FRMD5: variants seen among roughly 807,000 people sequenced by gnomAD.
FRMD5 encodes the protein FERM domain containing 5, also known as FERM domain-containing protein 5.
FRMD5 carries 20 observed loss-of-function variants against 69.0 expected under a neutral mutation model. The ratio of observed to expected loss-of-function variants is 0.29; its 90% CI spans 0.20 to 0.42. FRMD5 has a LOEUF of 0.42. Among genes scored for constraint, FRMD5 ranks in the 10% least tolerant of loss-of-function variants. The pLI is 1.00. For synonymous variants in FRMD5, 271 were observed against 260.1 expected (o/e 1.04, Z -0.40); for missense variants, 595 against 708.6 (o/e 0.84, Z 1.82).
intron 1 of FRMD5, among the ~76,000 whole-genome samples, chr15:43,979,195 C>T (rs2090510224): frequency 1.3e-5 from 2 of 152,062 alleles, no homozygotes; most frequent in South Asian, 4.2e-4. Flanking sequence ...CAAAATTAGC[C>T]AAGCGTCATG....
intron 2 of FRMD5, 29 bp from the exon 3 acceptor site, chr15:43,919,838 C>T (rs779889379): frequency 6.2e-7 from 1 of 1,604,742 alleles, no homozygotes; most frequent in Non-Finnish European, 8.5e-7. Flanking sequence ...AACATGAAAA[C>T]CCTAATGAGA....
At chr15:44,076,868 C>T (rs1223332156) in intron 1 of FRMD5, among the ~76,000 whole-genome samples, 1 of 151,942 alleles carries the variant, frequency 6.6e-6, no homozygotes, top group Non-Finnish European at 1.5e-5. Flanking sequence ...AGTCATCTCT[C>T]AGTCTGAGAT....
chr15:44,181,476 A>G (rs560283736), intron 1 of FRMD5, among the ~76,000 whole-genome samples: 1 of 152,260 alleles, frequency 6.6e-6, no homozygotes, highest in Non-Finnish European at 1.5e-5. Context: ...TGTTATCAAA[A>G]CCAGGAAATT....
At chr15:43,974,650 T>C (rs1320029782) in intron 1 of FRMD5, among the ~76,000 whole-genome samples, 2 of 152,212 alleles carry the variant, frequency 1.3e-5, no homozygotes, top group African/African-American at 4.8e-5. Flanking sequence ...CCATAGGTAT[T>C]TGACAAATGT....
At position 44,165,401 on chromosome 15, in the gene FRMD5, G is replaced by A. The variant is rs1005371577; in HGVS notation, c.102+29552C>T. Among the ~76,000 whole-genome samples, 7 of 152,270 alleles carry A rather than the reference G, an allele frequency of 4.6e-5. No homozygotes were observed. In the East Asian group the frequency reaches 1.2e-3, roughly 25 times the overall value. ...CATGCCACTGCACTCCAGCCTAGGC[G>A]ACCGAGTGAGACTCCATCTCAATCA... On this transcript the variant is annotated intron_variant, in intron 1 of 13. Transcript: ENST00000417257.
Position 44,174,065 on chromosome 15 carries a change from C to T in FRMD5, c.102+20888G>A, listed in dbSNP as rs1224655352. On this transcript the variant is annotated intron_variant, in intron 1 of 13. Coordinates refer to ENST00000417257, the MANE Select transcript of FRMD5 (RefSeq NM_032892.5). ...AAGTTTCCTGAGTTCAAACACTATACTCCTTTCACTATACCATTATTAAAT... is the reference window on the plus strand; with the variant it reads ...AAGTTTCCTGAGTTCAAACACTATATTCCTTTCACTATACCATTATTAAAT... 2.0e-5 allele frequency among the ~76,000 whole-genome samples: 3 copies of T among 152,082 alleles called. No individual in the cohort carries two copies. In the South Asian group the frequency reaches 6.2e-4, roughly 32 times the overall value.
At chr15:43,983,023 C>T (rs1429435260) in intron 1 of FRMD5, among the ~76,000 whole-genome samples, 1 of 152,106 alleles carries the variant, frequency 6.6e-6, no homozygotes, top group African/African-American at 2.4e-5. Context: ...CTCCACTTCC[C>T]GGGGTCAAGT....
chr15:44,132,344 T>C (rs1351048077), intron 1 of FRMD5, among the ~76,000 whole-genome samples: 1 of 152,178 alleles, frequency 6.6e-6, no homozygotes, highest in Admixed American at 6.5e-5. Context: ...GGACCTCTGA[T>C]GTAATGGGTA....
chr15:43,957,324 T>C (rs1008722920), intron 1 of FRMD5, among the ~76,000 whole-genome samples: 10 of 152,288 alleles, frequency 6.6e-5, no homozygotes, highest in African/African-American at 2.4e-4. Context: ...GCCTCCCAAG[T>C]AACTGGGATT....
At chr15:44,144,276 A>G (rs1314820703) in intron 1 of FRMD5, among the ~76,000 whole-genome samples, 1 of 152,174 alleles carries the variant, frequency 6.6e-6, no homozygotes, top group Admixed American at 6.5e-5. Context: ...CTTTTCAGTT[A>G]AAGGCTCATC....
At chr15:44,060,304 A>G (rs1893039157) in intron 1 of FRMD5, among the ~76,000 whole-genome samples, 1 of 152,216 alleles carries the variant, frequency 6.6e-6, no homozygotes, top group African/African-American at 2.4e-5. Context: ...CATGCTCCTT[A>G]GTATCCACAC....
chr15:44,109,889 G>A (rs1417344378), intron 1 of FRMD5, among the ~76,000 whole-genome samples: 2 of 152,016 alleles, frequency 1.3e-5, no homozygotes, highest in East Asian at 1.9e-4. Context: ...ATGTCATATA[G>A]TTGAAATCAT....
chr15:44,025,313 A>G lies in FRMD5; in HGVS notation c.103-101004T>C, dbSNP rs192517039. 2.0e-5 allele frequency among the ~76,000 whole-genome samples: 3 copies of G among 152,316 alleles called. No homozygotes were observed. In the East Asian group the frequency reaches 5.8e-4, roughly 29 times the overall value. On this transcript the variant is annotated intron_variant, in intron 1 of 13. Transcript: ENST00000417257. ...AACGTCTAGCTAGGGGTTAAGAGAG[A>G]GTGAATGGAGGCTTCATAGAGGAAA...
At chr15:44,069,984 A>G (rs1490688511) in intron 1 of FRMD5, among the ~76,000 whole-genome samples, 1 of 152,186 alleles carries the variant, frequency 6.6e-6, no homozygotes, top group Non-Finnish European at 1.5e-5. Flanking sequence ...TACTAAGGAA[A>G]TTTTTTAAAT....
chr15:44,120,761 C>G (rs2076937986), intron 1 of FRMD5, among the ~76,000 whole-genome samples: 1 of 151,810 alleles, frequency 6.6e-6, no homozygotes, highest in Non-Finnish European at 1.5e-5. Context: ...ATCTCCTGAC[C>G]TCGTGATCCG....
At chr15:43,877,951 G>A (rs1158617452) in intron 13 of FRMD5, among the ~76,000 whole-genome samples, 1 of 152,164 alleles carries the variant, frequency 6.6e-6, no homozygotes, top group Non-Finnish European at 1.5e-5. Flanking sequence ...GCCAAATGAT[G>A]TTACAGCAGG....
intron 13 of FRMD5, among the ~76,000 whole-genome samples, chr15:43,877,237 C>T (rs894277296): frequency 2.0e-5 from 3 of 152,202 alleles, no homozygotes; most frequent in Non-Finnish European, 2.9e-5. Flanking sequence ...CTGACAATCC[C>T]AGACTGAACC....
intron 1 of FRMD5, among the ~76,000 whole-genome samples, chr15:44,012,409 C>T (rs1402195102): frequency 6.6e-6 from 1 of 152,162 alleles, no homozygotes; most frequent in Non-Finnish European, 1.5e-5. Flanking sequence ...TTTCTTAGAA[C>T]TTAAGTGTAT....
At chr15:44,052,552 C>A (rs1285549800) in intron 1 of FRMD5, among the ~76,000 whole-genome samples, 1 of 152,082 alleles carries the variant, frequency 6.6e-6, no homozygotes, top group Non-Finnish European at 1.5e-5. Flanking sequence ...ACATTTGTTT[C>A]CATTTCCAGA....
Sources: gnomAD v4.1 joint callset for allele counts (sites outside exome capture counted in the v4.1 genomes callset) on GRCh38, gnomAD v4.1.1 for gene constraint, MANE v1.5 for transcripts, NCBI Gene and HGNC (gene_info 2026-07-23, HGNC 2026-07-21) for gene names.